The following INTS9 variants were observed in gnomAD, a reference collection of about 807,000 sequenced individuals.
The protein encoded by INTS9 is integrator complex subunit 9, also known as protein related to CPSF subunits of 74 kDa.
Under a neutral mutation model 79.7 loss-of-function variants are expected in INTS9, and 55 were observed. The ratio of observed to expected loss-of-function variants is 0.69; its 90% CI spans 0.56 to 0.86. INTS9 has a LOEUF of 0.86. Among genes scored for constraint, INTS9 ranks in the 40% least tolerant of loss-of-function variants. INTS9 has a pLI of 0.00. For missense variants in INTS9, 721 were observed against 831.5 expected (o/e 0.87, Z 1.64); for synonymous variants, 319 against 325.2 (o/e 0.98, Z 0.20).
intron 11 of INTS9, among the ~76,000 whole-genome samples, chr8:28,787,006 C>T (rs946093717): frequency 2.6e-5 from 4 of 152,168 alleles, no homozygotes; most frequent in African/African-American, 4.8e-5. Flanking sequence ...CGTGAGCCAC[C>T]GAGCCCAGCC....
chr8:28,852,268 C>A (rs537640112), intron 2 of INTS9, among the ~76,000 whole-genome samples: 77 of 148,798 alleles, frequency 5.2e-4, no homozygotes, highest in African/African-American at 1.8e-3. Flanking sequence ...TCAAATTTGA[C>A]TGGTATAAAT....
chr8:28,881,929 C>A (rs867764608), intron 1 of INTS9, among the ~76,000 whole-genome samples: 1 of 122,458 alleles, frequency 8.2e-6, no homozygotes, highest in Non-Finnish European at 1.8e-5. Context: ...CCCCTCTGCC[C>A]GGCCACGACC....
intron 8 of INTS9, among the ~76,000 whole-genome samples, chr8:28,800,921 C>A (rs1804478322): frequency 2.6e-5 from 4 of 152,184 alleles, no homozygotes; most frequent in Non-Finnish European, 5.9e-5. Context: ...AACAAGATAG[C>A]AAGCGTGGAA....
intron 6 of INTS9, among the ~76,000 whole-genome samples, chr8:28,829,583 T>C (rs890622412): frequency 6.6e-6 from 1 of 152,218 alleles, no homozygotes; most frequent in South Asian, 2.1e-4. Flanking sequence ...CTGTTTTCTT[T>C]AGTTGATAGT....
intron 6 of INTS9, among the ~76,000 whole-genome samples, chr8:28,814,282 T>TCA (rs1491258772): frequency 3.5e-4 from 31 of 88,150 alleles, no homozygotes; most frequent in African/African-American, 1.2e-3. Flanking sequence ...GAACAGGGCT[T>TCA]CTCACACACA....
At chr8:28,778,452 C>T (rs761510769) in intron 12 of INTS9, among the ~76,000 whole-genome samples, 40 of 152,154 alleles carry the variant, frequency 2.6e-4, no homozygotes, top group African/African-American at 4.6e-4. Context: ...GGTACAGACC[C>T]GGGAACCTAG....
At chr8:28,820,447 T>C (rs1805765500) in intron 6 of INTS9, among the ~76,000 whole-genome samples, 1 of 152,236 alleles carries the variant, frequency 6.6e-6, no homozygotes, top group South Asian at 2.1e-4. Flanking sequence ...TCTTTAAGAA[T>C]GTTGAATATT....
chr8:28,856,055 TCA>T (rs1303379699), intron 2 of INTS9, among the ~76,000 whole-genome samples: 2 of 152,172 alleles, frequency 1.3e-5, no homozygotes, highest in Non-Finnish European at 2.9e-5. Flanking sequence ...AAATAAAAAG[TCA>T]CACAAAAAAG....
chr8:28,864,200 C>T (rs1230632180), intron 1 of INTS9, among the ~76,000 whole-genome samples: 1 of 152,124 alleles, frequency 6.6e-6, no homozygotes, highest in Non-Finnish European at 1.5e-5. Flanking sequence ...AAAAATTAGC[C>T]AGGTGTGGTG....
chr8:28,770,177 G>T, intron 15 of INTS9, 151 bp from the exon 16 acceptor site: 1 of 958,090 alleles, frequency 1.0e-6, no homozygotes, highest in Non-Finnish European at 1.5e-6. Context: ...CAGGTTCCCT[G>T]GCTGCCGGGA....
At chr8:28,814,417 T>C (rs1386378882) in intron 6 of INTS9, among the ~76,000 whole-genome samples, 1 of 151,820 alleles carries the variant, frequency 6.6e-6, no homozygotes, top group Non-Finnish European at 1.5e-5. Context: ...AGACAAATGA[T>C]AACTGACTTC....
At chr8:28,849,865 C>G (rs1055118071) in intron 3 of INTS9, 1 of 190,520 alleles carries the variant, frequency 5.2e-6, no homozygotes, top group Admixed American at 6.0e-5. Flanking sequence ...TTTGCAATCA[C>G]AAAATGAACT....
At chr8:28,843,222 C>A (rs924609327) in intron 4 of INTS9, among the ~76,000 whole-genome samples, 2 of 152,140 alleles carry the variant, frequency 1.3e-5, no homozygotes, top group South Asian at 2.1e-4. Flanking sequence ...AGGGGTTGGC[C>A]ACTTTATAGG....
At chr8:28,770,324 G>C (rs17443556) in intron 15 of INTS9, among the ~76,000 whole-genome samples, 17,056 of 152,246 alleles carry the variant, frequency 0.11, 1,118 homozygotes, top group Middle Eastern at 0.17. Flanking sequence ...AAATTCTCCA[G>C]AATACACTGT....
At chr8:28,833,755 G>A (rs1302291961) in intron 6 of INTS9, among the ~76,000 whole-genome samples, 2 of 152,106 alleles carry the variant, frequency 1.3e-5, no homozygotes, top group Non-Finnish European at 2.9e-5. Context: ...CTGCTGTGGG[G>A]CCTGGAGATG....
At chr8:28,799,821 A>T (rs1051283862) in intron 8 of INTS9, among the ~76,000 whole-genome samples, 2 of 152,194 alleles carry the variant, frequency 1.3e-5, no homozygotes, top group Admixed American at 6.5e-5. Context: ...AGCCAGCAAC[A>T]CCCAACTCGG....
intron 1 of INTS9, among the ~76,000 whole-genome samples, chr8:28,880,305 C>T (rs1302162970): frequency 1.3e-5 from 2 of 149,634 alleles, no homozygotes; most frequent in Non-Finnish European, 3.0e-5. Flanking sequence ...CCCTCTGATG[C>T]CGAGCCAAAG....
At chr8:28,869,121 A>G (rs1205654569) in intron 1 of INTS9, among the ~76,000 whole-genome samples, 2 of 152,176 alleles carry the variant, frequency 1.3e-5, no homozygotes, top group African/African-American at 2.4e-5. Flanking sequence ...CTTTCTGACA[A>G]TGTAAAAAAC....
chr8:28,821,971 T>C (rs929104994), intron 6 of INTS9, among the ~76,000 whole-genome samples: 1 of 152,168 alleles, frequency 6.6e-6, no homozygotes, highest in African/African-American at 2.4e-5. Flanking sequence ...TTTGCCACGT[T>C]GCCCATGCCG....
Sources: gnomAD v4.1 joint callset for allele counts (sites outside exome capture counted in the v4.1 genomes callset) on GRCh38, gnomAD v4.1.1 for gene constraint, MANE v1.5 for transcripts, NCBI Gene and HGNC (gene_info 2026-07-23, HGNC 2026-07-21) for gene names.